ST3GAL2: variants seen among roughly 807,000 people sequenced by gnomAD.
ST3GAL2 encodes ST3 beta-galactoside alpha-2,3-sialyltransferase 2, also known as CMP-N-acetylneuraminate-beta-galactosamide-alpha-2,3-sialyltransferase 2.
A neutral mutation model predicts 37.5 loss-of-function variants in ST3GAL2; 16 were observed. That is an observed-to-expected ratio of 0.43 (90% CI 0.29 to 0.65). ST3GAL2 has a LOEUF of 0.65. Ranked by LOEUF, ST3GAL2 falls within the 30% of genes least tolerant of loss-of-function variation. ST3GAL2 has a pLI of 0.17. For missense variants in ST3GAL2, 383 were observed against 487.8 expected (o/e 0.79, Z 2.02); for synonymous variants, 238 against 202.9 (o/e 1.17, Z -1.47).
intron 3 of ST3GAL2, among the ~76,000 whole-genome samples, chr16:70,390,201 A>C (rs1408097510): frequency 6.6e-6 from 1 of 152,124 alleles, no homozygotes; most frequent in African/African-American, 2.4e-5. Context: ...CAGCCTCCCG[A>C]GTAGCTGGGA....
intron 4 of ST3GAL2, among the ~76,000 whole-genome samples, chr16:70,384,880 A>G (rs1002682712): frequency 3.3e-5 from 5 of 151,856 alleles, no homozygotes; most frequent in Non-Finnish European, 7.4e-5. Flanking sequence ...ATGGTGGCCC[A>G]TGCCTGTAGT....
chr16:70,416,857 G>A (rs375279581), intron 1 of ST3GAL2, among the ~76,000 whole-genome samples: 26 of 152,176 alleles, frequency 1.7e-4, no homozygotes, highest in African/African-American at 6.0e-4. Flanking sequence ...GTGGGAGTGT[G>A]CTACTCTTAA....
intron 1 of ST3GAL2, among the ~76,000 whole-genome samples, chr16:70,419,423 C>A (rs56348821): frequency 0.08 from 12,230 of 152,212 alleles, 1,641 homozygotes; most frequent in African/African-American, 0.28. Context: ...ACAGGGGCCC[C>A]GGCAGCAGGG....
intron 1 of ST3GAL2, among the ~76,000 whole-genome samples, chr16:70,413,560 CAAAAAAAAAAA>C (rs978301918): frequency 2.5e-4 from 8 of 32,082 alleles, no homozygotes; most frequent in South Asian, 1.5e-3. Flanking sequence ...ATCAAAAATA[CAAAAAAAAAAA>C]AAAAAAAAAA....
In ST3GAL2 at chr16:70,399,415, T is replaced by A. The variant is rs1478976939; in HGVS notation, c.-885A>T. The A allele has an allele frequency of 2.5e-6, 1 of 398,786 alleles. No homozygotes were observed. The highest frequency in any genetic ancestry group is 3.6e-5 in the East Asian group (1 of 28,078). The allele number at this position is 398,786 out of a possible 1,614,324, so 24.7% of individuals were successfully genotyped here. A position where few individuals can be genotyped will look rare whatever the true frequency, so the allele number is the denominator to read the frequency against. On this transcript the variant is annotated 5_prime_UTR_variant, in exon 2 of 7. Transcript: ENST00000342907. ...GTCCAGGTCTCCTTCCTAATACTCC[T>A]GGCCCAGGTTCTGCCCATCCCCACT...
chr16:70,411,476 T>C (rs1458783146), intron 1 of ST3GAL2, among the ~76,000 whole-genome samples: 1 of 151,878 alleles, frequency 6.6e-6, no homozygotes, highest in Non-Finnish European at 1.5e-5. Flanking sequence ...TACAGGGTGA[T>C]GATATAATGT....
Position 70,412,416 on chromosome 16 carries a change from G to A in ST3GAL2, c.-1003-12883C>T, listed in dbSNP as rs2047645759. On this transcript the variant is annotated intron_variant, in intron 1 of 6. Transcript: ENST00000342907. ...CCCAGCACTTTGGGAGACCACGGTG[G>A]GCAGGTTGCTTGAGCCCAGGAGTTT... 2.0e-5 allele frequency among the ~76,000 whole-genome samples: 3 copies of A among 152,140 alleles called. No individual in the cohort carries two copies. The South Asian group carries it at 6.2e-4, about 32-fold the overall frequency.
chr16:70,409,636 C>T (rs1440055191), intron 1 of ST3GAL2, among the ~76,000 whole-genome samples: 3 of 152,034 alleles, frequency 2.0e-5, no homozygotes, highest in Non-Finnish European at 2.9e-5. Flanking sequence ...AGCCACTGCG[C>T]CCAGGCTTTT....
At chr16:70,437,043 C>G (rs2047830121) in intron 1 of ST3GAL2, among the ~76,000 whole-genome samples, 1 of 152,294 alleles carries the variant, frequency 6.6e-6, no homozygotes, top group East Asian at 1.9e-4. Context: ...TGGTCCTTAC[C>G]CTGAGGCTTG....
chr16:70,382,932 G>T lies in ST3GAL2; in HGVS notation c.760-8C>A. 1.2e-6 allele frequency: 2 copies of T among 1,612,326 alleles called. No homozygotes were observed. Among genetic ancestry groups the T allele is most frequent in the South Asian group, 2.2e-5 (2 of 90,830 alleles). On this transcript the variant is annotated splice_polypyrimidine_tract_variant and splice_region_variant and intron_variant, in intron 5 of 6. Coordinates refer to ENST00000342907, the MANE Select transcript of ST3GAL2 (RefSeq NM_006927.4). ...TGGGTTGTAGATCTGGACCTGGGAG[G>T]AGAAGGGATGACAGGTATATGAGGG...
In ST3GAL2 at chr16:70,398,623, C is replaced by A. The variant is rs1161508310; in HGVS notation, c.-93G>T. 4.7e-6 allele frequency: 6 copies of A among 1,270,756 alleles called. No homozygotes were observed. Among genetic ancestry groups the A allele is most frequent in the Non-Finnish European group, 4.3e-6 (4 of 928,166 alleles). The allele number at this position is 1,270,756 out of a possible 1,614,324, so 78.7% of individuals were successfully genotyped here. ...GCGTAGCCTGCCTATTCTGGCACCA[C>A]ATGCAAAGGGCATAGGGGCACGTGC... On this transcript the variant is annotated 5_prime_UTR_variant, in exon 2 of 7. The change abolishes an upstream ATG in the 5' untranslated region. Transcript: ENST00000342907.
In ST3GAL2 at chr16:70,381,513, C is replaced by T. The variant is rs147411007; in HGVS notation, c.*176G>A. Reference sequence around the variant, plus strand: ...TGGCTGGGAGAAACAGAAGCTCCGCCCGACCGCAGCGCAGATTGGTGCCAG... The same window carrying T: ...TGGCTGGGAGAAACAGAAGCTCCGCTCGACCGCAGCGCAGATTGGTGCCAG... On this transcript the variant is annotated 3_prime_UTR_variant, in exon 7 of 7. Transcript: ENST00000342907. The T allele has an allele frequency of 1.5e-3, 1,113 of 723,262 alleles. 9 individuals are homozygous for T. The highest frequency in any genetic ancestry group is 7.7e-3 in the Middle Eastern group (19 of 2,462). The allele number at this position is 723,262 out of a possible 1,614,324, so 44.8% of individuals were successfully genotyped here.
chr16:70,410,859 G>T (rs1272017718), intron 1 of ST3GAL2, among the ~76,000 whole-genome samples: 3 of 120,324 alleles, frequency 2.5e-5, no homozygotes, highest in African/African-American at 9.7e-5. Context: ...AGCAGACACT[G>T]TTGGCTGTCT....
intron 1 of ST3GAL2, chr16:70,399,904 G>GCCC (rs961013023): frequency 6.5e-6 from 1 of 153,096 alleles, no homozygotes; most frequent in Non-Finnish European, 1.5e-5. Flanking sequence ...GACACTGACT[G>GCCC]CCCCCCACAG....
intron 1 of ST3GAL2, among the ~76,000 whole-genome samples, chr16:70,413,465 C>T (rs13337689): frequency 0.089 from 13,225 of 148,142 alleles, 1,880 homozygotes; most frequent in African/African-American, 0.31. Context: ...CCTATAATCC[C>T]AGCACTTTGG....
chr16:70,429,400 T>C (rs2047772860), intron 1 of ST3GAL2, among the ~76,000 whole-genome samples: 1 of 152,152 alleles, frequency 6.6e-6, no homozygotes, highest in South Asian at 2.1e-4. Context: ...GAGACCATCC[T>C]GGCTAACACG....
At chr16:70,436,721 C>A (rs187046775) in intron 1 of ST3GAL2, among the ~76,000 whole-genome samples, 11 of 152,168 alleles carry the variant, frequency 7.2e-5, no homozygotes, top group Admixed American at 7.2e-4. Context: ...TGAGACCTTC[C>A]GCTGTAATTC....
At chr16:70,406,771 ACT>A (rs199576174) in intron 1 of ST3GAL2, among the ~76,000 whole-genome samples, 1,959 of 151,412 alleles carry the variant, frequency 0.013, 35 homozygotes, top group African/African-American at 0.045. Flanking sequence ...ACAGAGTGAG[ACT>A]CTGTCTCAAA....
intron 1 of ST3GAL2, among the ~76,000 whole-genome samples, chr16:70,413,113 G>A (rs953760082): frequency 1.3e-5 from 2 of 152,098 alleles, no homozygotes; most frequent in Non-Finnish European, 2.9e-5. Context: ...AGCCGGGCAT[G>A]GTGGCGGATG....
Sources: allele counts gnomAD v4.1 joint callset (sites outside exome capture counted in the v4.1 genomes callset), GRCh38; gene constraint gnomAD v4.1.1; transcripts MANE v1.5; gene names NCBI Gene and HGNC (gene_info 2026-07-23, HGNC 2026-07-21).